The following IL3RA variants were observed in gnomAD, a reference collection of about 807,000 sequenced individuals.
IL3RA encodes interleukin-3 receptor subunit alpha.
IL3RA carries 73 observed loss-of-function variants against 52.3 expected under a neutral mutation model. The observed-to-expected ratio is 1.40, with a 90% CI of 1.16 to 1.70. IL3RA has a LOEUF of 1.70. IL3RA is among the 40% of genes most tolerant of loss of function. The pLI, the probability that IL3RA is intolerant of heterozygous loss-of-function variation, is 0.00. For missense variants in IL3RA, 664 were observed against 504.4 expected (o/e 1.32, Z -3.03); for synonymous variants, 260 against 194.0 (o/e 1.34, Z -2.83).
chrX:1,354,606 G>A (rs1180243584), intron 6 of IL3RA, among the ~76,000 whole-genome samples: 2 of 104,230 alleles, frequency 1.9e-5, no homozygotes, highest in African/African-American at 7.6e-5. Context: ...AGGGGGAGGA[G>A]GAGGAGGAAG....
intron 9 of IL3RA, among the ~76,000 whole-genome samples, chrX:1,377,196 C>G (rs1236674282): frequency 6.6e-6 from 1 of 152,204 alleles, no homozygotes; most frequent in African/African-American, 2.4e-5. Context: ...CCTGCAGCTT[C>G]CAGGACTGTG....
intron 7 of IL3RA, among the ~76,000 whole-genome samples, chrX:1,356,669 G>A (rs184039928): frequency 6.6e-6 from 1 of 151,966 alleles, no homozygotes; most frequent in African/African-American, 2.4e-5. Flanking sequence ...CTACTGGGGA[G>A]GCCGAGGCAG....
At chrX:1,360,747 C>G (rs1219200631) in intron 8 of IL3RA, among the ~76,000 whole-genome samples, 5 of 151,486 alleles carry the variant, frequency 3.3e-5, no homozygotes, top group Admixed American at 2.6e-4. Flanking sequence ...AGGCTGGTCT[C>G]GAACTCCTGA....
In IL3RA at chrX:1,365,173, T is replaced by C; in HGVS notation, c.795T>C (p.Pro265=). 6.2e-7 allele frequency: 1 copy of C among 1,610,942 alleles called. No homozygotes were observed. The highest frequency in any genetic ancestry group is 8.5e-7 in the Non-Finnish European group (1 of 1,178,648). ...GAACCTCCTTCCAGCTACTCAATCC[T>C]GGAACGTACACAGTACAAATAAGAG... ...RDRTSFQLLN[P]GTYTVQIRAR... Residue 265 remains proline, a synonymous_variant, in exon 9 of 12, where the codon CCT becomes CCC. Transcript: ENST00000331035.
chrX:1,359,419 C>T (rs1463627449), intron 8 of IL3RA, among the ~76,000 whole-genome samples: 2 of 152,106 alleles, frequency 1.3e-5, no homozygotes, highest in African/African-American at 4.8e-5. Context: ...CTCTGTCCAT[C>T]TCTTTCCCCG....
intron 1 of IL3RA, among the ~76,000 whole-genome samples, chrX:1,339,727 G>T (rs2085416556): frequency 6.6e-6 from 1 of 152,086 alleles, no homozygotes; most frequent in Admixed American, 6.6e-5. Flanking sequence ...GGGAGGTGGA[G>T]GTTGCAGTGA....
At chrX:1,362,869 A>C (rs1469112690) in intron 8 of IL3RA, among the ~76,000 whole-genome samples, 4 of 151,780 alleles carry the variant, frequency 2.6e-5, no homozygotes, top group Admixed American at 2.6e-4. Flanking sequence ...TCCGCCTCCC[A>C]GGTTCAAGCG....
chrX:1,381,696 C>T (rs1268156784), intron 11 of IL3RA, among the ~76,000 whole-genome samples: 3 of 151,366 alleles, frequency 2.0e-5, no homozygotes, highest in Non-Finnish European at 2.9e-5. Context: ...AGGCACGCAC[C>T]GACACGCCCA....
chrX:1,382,683 T>TA lies in IL3RA; in HGVS notation c.*220dup. On this transcript the variant is annotated 3_prime_UTR_variant, in exon 12 of 12. Transcript: ENST00000331035. ...CATGATAAAGTGATTTTTTTTTTTT[T>TA]AACCCACTCACTGGTCCCGGTCTCT... 1.7e-6 allele frequency: 1 copy of TA among 585,318 alleles called. No individual in the cohort carries two copies. The highest frequency in any genetic ancestry group is 3.0e-5 in the Admixed American group (1 of 33,154). 36.3% of individuals were successfully genotyped at this position (585,318 alleles called of 1,614,324 possible). A position where few individuals can be genotyped will look rare whatever the true frequency, so the allele number is the denominator to read the frequency against.
chrX:1,347,596 G>A (rs1272918357), intron 3 of IL3RA, among the ~76,000 whole-genome samples: 6 of 151,572 alleles, frequency 4.0e-5, no homozygotes, highest in African/African-American at 1.5e-4. Flanking sequence ...TCTAGCCTGG[G>A]CAAGCGGAGT....
chrX:1,380,911 G>T, intron 10 of IL3RA, 112 bp from the exon 11 acceptor site: 1 of 878,420 alleles, frequency 1.1e-6, no homozygotes, highest in South Asian at 1.4e-5. Flanking sequence ...TCGAGTAGAT[G>T]ACTTGAGTCT....
intron 2 of IL3RA, among the ~76,000 whole-genome samples, chrX:1,343,618 G>C (rs771693377): frequency 1.5e-5 from 2 of 129,892 alleles, no homozygotes; most frequent in Non-Finnish European, 3.1e-5. Context: ...CGTGAGCCAA[G>C]ATCACGCCAT....
chrX:1,342,093 C>G (rs1176357904), intron 2 of IL3RA, among the ~76,000 whole-genome samples: 1 of 152,114 alleles, frequency 6.6e-6, no homozygotes, highest in Non-Finnish European at 1.5e-5. Flanking sequence ...TTTGATGAAA[C>G]TCACACGCTG....
chrX:1,354,490 C>T (rs1348270016), intron 6 of IL3RA, among the ~76,000 whole-genome samples: 1 of 126,562 alleles, frequency 7.9e-6, no homozygotes, highest in African/African-American at 3.5e-5. Context: ...AGAACATGAG[C>T]AGGGGGAGGA....
rs371218091 is a variant in IL3RA at position 1,378,802 on chromosome X, C to A, written c.980+38C>A. Reference sequence around the variant, plus strand: ...GGGCGTCCGCGAGCGTCGCTTGTTTCCAGTGTGACCCTGAAAGTTATTCAC... The same window carrying A: ...GGGCGTCCGCGAGCGTCGCTTGTTTACAGTGTGACCCTGAAAGTTATTCAC... On this transcript the variant is annotated intron_variant, in intron 10 of 11. Transcript: ENST00000331035. The A allele has an allele frequency of 3.9e-6, 6 of 1,525,404 alleles. No individual in the cohort carries two copies. The South Asian group carries it at 5.6e-5, about 14-fold the overall frequency. The allele number at this position is 1,525,404 out of a possible 1,614,324, so 94.5% of individuals were successfully genotyped here.
chrX:1,343,970 A>G (rs1357558659), intron 2 of IL3RA, among the ~76,000 whole-genome samples: 3 of 151,298 alleles, frequency 2.0e-5, no homozygotes, highest in African/African-American at 2.4e-5. Context: ...TAATTTTTGT[A>G]TTTTTAGTCG....
At chrX:1,351,197 ACT>A (rs2086067526) in intron 4 of IL3RA, among the ~76,000 whole-genome samples, 1 of 152,016 alleles carries the variant, frequency 6.6e-6, no homozygotes, top group Admixed American at 6.6e-5. Context: ...ACGGAGCGAG[ACT>A]CTGTAAAAAT....
At chrX:1,379,303 G>A (rs1352803434) in intron 10 of IL3RA, among the ~76,000 whole-genome samples, 1 of 151,992 alleles carries the variant, frequency 6.6e-6, no homozygotes, top group Non-Finnish European at 1.5e-5. Flanking sequence ...TTACAGGTGT[G>A]CAACACTGCA....
At chrX:1,337,846 A>C (rs1229588196) in intron 1 of IL3RA, among the ~76,000 whole-genome samples, 2 of 150,720 alleles carry the variant, frequency 1.3e-5, no homozygotes, top group East Asian at 2.0e-4. Context: ...TTTATTCACA[A>C]TAGCCAAGAG....
Sources: allele counts gnomAD v4.1 joint callset (sites outside exome capture counted in the v4.1 genomes callset), GRCh38; gene constraint gnomAD v4.1.1; transcripts MANE v1.5; gene names NCBI Gene and HGNC (gene_info 2026-07-23, HGNC 2026-07-21).